The following YTHDC2 variants were observed in gnomAD, a reference collection of about 807,000 sequenced individuals.
YTHDC2 encodes YTH N6-methyladenosine RNA binding protein C2.
In YTHDC2, 45 loss-of-function variants were observed where a neutral mutation model predicts 174.9. The observed-to-expected ratio is 0.26, with a 90% CI of 0.20 to 0.33. YTHDC2 has a LOEUF of 0.33. Among genes scored for constraint, YTHDC2 ranks in the 10% least tolerant of loss-of-function variants. YTHDC2 has a pLI of 1.00. For missense variants in YTHDC2, 1,650 were observed against 1,723.7 expected (o/e 0.96, Z 0.76); for synonymous variants, 657 against 574.5 (o/e 1.14, Z -2.05).
At chr5:113,585,187 A>G (rs1052621322) in intron 26 of YTHDC2, among the ~76,000 whole-genome samples, 3 of 151,790 alleles carry the variant, frequency 2.0e-5, no homozygotes, top group Non-Finnish European at 4.4e-5. Context: ...ATTGGTTTCT[A>G]CAGTGGTTAT....
intron 4 of YTHDC2, among the ~76,000 whole-genome samples, chr5:113,530,768 T>TAC (rs1270320321): frequency 6.6e-6 from 1 of 152,146 alleles, no homozygotes; most frequent in Non-Finnish European, 1.5e-5. Context: ...TATTCCTTCT[T>TAC]TAGTGTTCTT....
intron 6 of YTHDC2, among the ~76,000 whole-genome samples, chr5:113,535,184 A>G (rs978480509): frequency 9.2e-5 from 14 of 152,286 alleles, no homozygotes; most frequent in African/African-American, 3.1e-4. Context: ...ATTTAAAGAA[A>G]TATTGTGTGT....
In YTHDC2 at chr5:113,564,054, C is replaced by T. The variant is rs1185792763; in HGVS notation, c.2638C>T (p.Arg880Cys). Residue 880 changes from arginine (R) to cysteine (C), a missense_variant, in exon 20 of 30, where the codon CGT (arginine) becomes TGT (cysteine). This residue lies in a region of YTHDC2 where 913 missense variants were observed against 940.4 expected (regional missense o/e 0.97). Transcript: ENST00000161863. ...FVLPTQASQK[R>C]AAMLCRKRFT... ...ACTACCTACTCAGGCCTCTCAAAAA[C>T]GTGCAGCTATGCTTTGTAGGAAACG... 4 of 1,614,002 alleles carry T rather than the reference C, an allele frequency of 2.5e-6. No individual in the cohort carries two copies. The highest frequency in any genetic ancestry group is 1.6e-4 in the Middle Eastern group (1 of 6,084).
At position 113,592,050 on chromosome 5, in the gene YTHDC2, TCTG is replaced by T. The variant is rs1401795267; in HGVS notation, c.4088_4090del (p.Ala1363del). ...AAGGGAAAAGAGTCAGGACTGGGGC[TCTG>T]CTGGACTAGGAGGAGTATTTAAGGT... On this transcript the variant is annotated inframe_deletion, in exon 28 of 30. Transcript: ENST00000161863. The T allele has an allele frequency of 6.2e-7, 1 of 1,612,944 alleles. No homozygotes were observed. The highest frequency in any genetic ancestry group is 1.1e-5 in the South Asian group (1 of 90,956).
intron 10 of YTHDC2, among the ~76,000 whole-genome samples, chr5:113,543,157 T>C (rs1468118948): frequency 3.3e-5 from 5 of 152,172 alleles, no homozygotes; most frequent in Non-Finnish European, 5.9e-5. Flanking sequence ...CCAGACCTCA[T>C]CTACCCCCAG....
At chr5:113,518,402 A>G (rs932276240) in intron 2 of YTHDC2, among the ~76,000 whole-genome samples, 1 of 147,410 alleles carries the variant, frequency 6.8e-6, no homozygotes, top group Non-Finnish European at 1.5e-5. Flanking sequence ...GCATCTCATT[A>G]TGTTGCTCAG....
intron 8 of YTHDC2, among the ~76,000 whole-genome samples, chr5:113,540,685 C>G (rs1452426343): frequency 6.6e-6 from 1 of 152,170 alleles, no homozygotes; most frequent in Non-Finnish European, 1.5e-5. Flanking sequence ...TCACCTCCCA[C>G]CAGGTCTTTC....
rs571726752 is a variant in YTHDC2, at chr5:113,529,097, A to C, written c.675+2312A>C. Among the ~76,000 whole-genome samples, 120 of 152,214 alleles carry C rather than the reference A, an allele frequency of 7.9e-4. No homozygotes were observed. In the Middle Eastern group the frequency reaches 0.014, roughly 17 times the overall value. ...ATAGATATGCCTCATTGTCTAAACAACTGCATAGTATTCGTGAACATTTTT... is the reference window on the plus strand; with the variant it reads ...ATAGATATGCCTCATTGTCTAAACACCTGCATAGTATTCGTGAACATTTTT... On this transcript the variant is annotated intron_variant, in intron 4 of 29. Coordinates refer to ENST00000161863, the MANE Select transcript of YTHDC2 (RefSeq NM_022828.5).
Position 113,514,043 on chromosome 5 carries a change from A to C in YTHDC2, c.148A>C (p.Asn50His), listed in dbSNP as rs1421626713. 6.2e-7 allele frequency: 1 copy of C among 1,612,216 alleles called. No homozygotes were observed. The highest frequency in any genetic ancestry group is 1.7e-5 in the Admixed American group (1 of 59,750). ...RIDEEVKIAV[N>H]IALERFRYGD... The stretch of plus-strand genomic sequence containing the variant: ...TGATGAGGAGGTGAAGATCGCAGTC[A>C]ATATCGCGCTGGAGCGCTTCCGATA... Residue 50 changes from asparagine (N) to histidine (H), a missense_variant, in exon 1 of 30, where the codon AAT (asparagine) becomes CAT (histidine). By Grantham distance (68) the Asn-to-His change is moderately conservative. Coordinates refer to ENST00000161863, the MANE Select transcript of YTHDC2 (RefSeq NM_022828.5).
intron 23 of YTHDC2, among the ~76,000 whole-genome samples, chr5:113,572,588 G>T (rs1244582952): frequency 6.6e-6 from 1 of 152,158 alleles, no homozygotes; most frequent in Non-Finnish European, 1.5e-5. Flanking sequence ...CACTATTATT[G>T]TATGGGAGTC....
In YTHDC2 at chr5:113,593,299, C is replaced by G. The variant is rs771351824; in HGVS notation, c.4213-4C>G. The G allele has an allele frequency of 1.2e-6, 2 of 1,610,408 alleles. No individual in the cohort carries two copies. Among genetic ancestry groups the G allele is most frequent in the East Asian group, 4.5e-5 (2 of 44,800 alleles). On this transcript the variant is annotated splice_polypyrimidine_tract_variant and splice_region_variant and intron_variant, in intron 28 of 29. Coordinates refer to ENST00000161863, the MANE Select transcript of YTHDC2 (RefSeq NM_022828.5). ...ATGTTTATTTTGACTTCTGATTTATCTAGGAACTAGAACCTCTGGTTGGTG... is the reference window on the plus strand; with the variant it reads ...ATGTTTATTTTGACTTCTGATTTATGTAGGAACTAGAACCTCTGGTTGGTG...
chr5:113,568,852 T>C (rs561537682), intron 23 of YTHDC2, among the ~76,000 whole-genome samples: 1 of 152,350 alleles, frequency 6.6e-6, no homozygotes, highest in South Asian at 2.1e-4. Flanking sequence ...TACTTATCTT[T>C]ATAATAGAAT....
chr5:113,534,631 A>G (rs992069820), intron 6 of YTHDC2, among the ~76,000 whole-genome samples: 28 of 152,286 alleles, frequency 1.8e-4, no homozygotes, highest in Middle Eastern at 3.4e-3. Context: ...TAAAGCCATT[A>G]GGCTTTATTG....
intron 12 of YTHDC2, among the ~76,000 whole-genome samples, chr5:113,552,961 T>C (rs999292058): frequency 4.6e-5 from 7 of 152,078 alleles, no homozygotes; most frequent in African/African-American, 1.7e-4. Flanking sequence ...GTATATTTAC[T>C]TTGGAGAAAT....
intron 2 of YTHDC2, chr5:113,517,557 A>G (rs916521779): frequency 2.0e-4 from 90 of 456,150 alleles, no homozygotes; most frequent in Admixed American, 1.9e-3. Flanking sequence ...ATGCGGAAAC[A>G]TTGAAGAGCC....
chr5:113,525,225 CTG>C (rs1404444065), intron 3 of YTHDC2, 48 bp downstream of exon 3: 1 of 1,396,066 alleles, frequency 7.2e-7, no homozygotes, highest in Non-Finnish European at 9.6e-7. Context: ...TATTTGATGA[CTG>C]TTCTTTTTCC....
Position 113,513,727 on chromosome 5 carries a change from G to A in YTHDC2, c.-169G>A, listed in dbSNP as rs1341297373. On this transcript the variant is annotated 5_prime_UTR_variant, in exon 1 of 30. Transcript: ENST00000161863. Reference sequence around the variant, plus strand: ...CCTGGCCGTGATATCAATGGCGCAGGCTTCACTTCTGCTGTGGCGGTGACT... The same window carrying A: ...CCTGGCCGTGATATCAATGGCGCAGACTTCACTTCTGCTGTGGCGGTGACT... The A allele has an allele frequency of 1.0e-5, 7 of 698,856 alleles. No homozygotes were observed. The East Asian group carries it at 2.3e-4, about 23-fold the overall frequency. 43.3% of individuals were successfully genotyped at this position (698,856 alleles called of 1,614,324 possible).
chr5:113,557,166 T>G (rs1776664189), intron 17 of YTHDC2, among the ~76,000 whole-genome samples: 1 of 152,214 alleles, frequency 6.6e-6, no homozygotes, highest in Non-Finnish European at 1.5e-5. Flanking sequence ...GGAGGATTTG[T>G]GGGGTTCTTG....
At position 113,542,917 on chromosome 5, in the gene YTHDC2, C is replaced by G. The variant is rs75467477; in HGVS notation, c.1495+414C>G. Among the ~76,000 whole-genome samples, 1,193 of 152,268 alleles carry G rather than the reference C, an allele frequency of 7.8e-3. 18 individuals are homozygous for G. The highest frequency in any genetic ancestry group is 0.028 in the African/African-American group (1,146 of 41,548). ...ATTACTTTCTTCTTGAAATATTTTA[C>G]TCAGTTAACTTCCAGTATTTCATAC... is the stretch of plus-strand genomic sequence containing the variant. On this transcript the variant is annotated intron_variant, in intron 10 of 29. Transcript: ENST00000161863.
Sources: gnomAD v4.1 joint callset for allele counts (sites outside exome capture counted in the v4.1 genomes callset) on GRCh38, gnomAD v4.1.1 for gene constraint, gnomAD v4.1.1 regional missense constraint, MANE v1.5 for transcripts, NCBI Gene and HGNC (gene_info 2026-07-23, HGNC 2026-07-21) for gene names.